The following C2orf78 variants were observed in gnomAD, a reference collection of about 807,000 sequenced individuals.
C2orf78 encodes chromosome 2 open reading frame 78.
Under a neutral mutation model 21.4 loss-of-function variants are expected in C2orf78, and 12 were observed. The ratio of observed to expected loss-of-function variants is 0.56; its 90% CI spans 0.36 to 0.91. C2orf78 has a LOEUF of 0.91. C2orf78 is among the 40% of genes least tolerant of loss of function. The pLI, the probability that C2orf78 is intolerant of heterozygous loss-of-function variation, is 0.01. For synonymous variants in C2orf78, 396 were observed against 413.9 expected (o/e 0.96, Z 0.52); for missense variants, 1,042 against 1,092.4 (o/e 0.95, Z 0.65).
intron 1 of C2orf78, among the ~76,000 whole-genome samples, chr2:73,812,170 G>A (rs1188212435): frequency 1.3e-5 from 2 of 152,034 alleles, no homozygotes; most frequent in African/African-American, 4.8e-5. Context: ...ATTATGGGCT[G>A]TTTCTTGGTT....
At chr2:73,809,330 C>A (rs1169777225) in intron 1 of C2orf78, among the ~76,000 whole-genome samples, 1 of 151,786 alleles carries the variant, frequency 6.6e-6, no homozygotes, top group African/African-American at 2.4e-5. Context: ...TTTCAACTTT[C>A]GTATTTTAAA....
exon 3 of C2orf78, chr2:73,815,108 A>G: frequency 7.4e-6 from 12 of 1,613,772 alleles, no homozygotes; most frequent in Non-Finnish European, 1.0e-5. Flanking sequence ...CTTCCCTGGG[A>G]TTGCAATCTC....
Position 73,810,699 on chromosome 2 carries a change from A to G in C2orf78, c.98-2778A>G, listed in dbSNP as rs555523074. Among the ~76,000 whole-genome samples the G allele has an allele frequency of 3.1e-3, 411 of 133,054 alleles. 7 individuals carry two copies. Among genetic ancestry groups the G allele is most frequent in the African/African-American group, 0.011 (398 of 35,124 alleles). The allele number at this position is 133,054 out of a possible 152,430, so 87.3% of individuals were successfully genotyped here. On this transcript the variant is annotated intron_variant, in intron 1 of 2. Transcript: ENST00000409561. ...AATAAAATATACATATATATTTTAT[A>G]TATATATAATATACATATAAAATAT...
In C2orf78 at chr2:73,816,473, C is replaced by A. The variant is rs748480878; in HGVS notation, c.2250C>A (p.Tyr750Ter). ...CCTCACGTAGGCCTGCTGTGGCTTA[C>A]CCTGCTCGACCTGATTCTACTAACT... is the stretch of plus-strand genomic sequence containing the variant. Residue 750 changes from tyrosine (Y) to a stop codon, truncating the protein, a stop_gained, in exon 3 of 3, where the codon TAC becomes TAA. Transcript: ENST00000409561. LOFTEE classifies it low-confidence loss of function (END_TRUNC). The A allele has an allele frequency of 6.2e-7, 1 of 1,613,966 alleles. No individual in the cohort carries two copies. Among genetic ancestry groups the A allele is most frequent in the Non-Finnish European group, 8.5e-7 (1 of 1,179,888 alleles).
chr2:73,807,049 C>T (rs1390737542), intron 1 of C2orf78, among the ~76,000 whole-genome samples: 4 of 144,188 alleles, frequency 2.8e-5, no homozygotes, highest in African/African-American at 8.3e-5. Context: ...GGCATGGTGG[C>T]GAGTACCTGT....
At chr2:73,813,407 G>A (rs1673126953) in intron 1 of C2orf78, 70 bp from the exon 2 acceptor site, 8 of 1,409,178 alleles carry the variant, frequency 5.7e-6, no homozygotes, top group Non-Finnish European at 7.5e-6. Flanking sequence ...TTAAGATAAT[G>A]CTAGTCTTCC....
chr2:73,816,630 A>G, exon 3 of C2orf78: 4 of 1,613,486 alleles, frequency 2.5e-6, no homozygotes, highest in Non-Finnish European at 3.4e-6. Flanking sequence ...TACCCAGCCT[A>G]CTGTCCCTCA....
intron 1 of C2orf78, among the ~76,000 whole-genome samples, chr2:73,808,006 A>G (rs1402893388): frequency 6.6e-6 from 1 of 151,184 alleles, no homozygotes; most frequent in Non-Finnish European, 1.5e-5. Flanking sequence ...CTGTAATCCC[A>G]GCACTTTGGG....
chr2:73,809,034 T>C lies in C2orf78; in HGVS notation c.98-4443T>C. On this transcript the variant is annotated intron_variant, in intron 1 of 2. Transcript: ENST00000409561. ...TTGAAGTAGAAATCCAGAGACCTCATTTCAGTTTTGGCTTTGACATTAACT... is the reference window on the plus strand; with the variant it reads ...TTGAAGTAGAAATCCAGAGACCTCACTTCAGTTTTGGCTTTGACATTAACT... 1.0e-5 allele frequency: 7 copies of C among 683,316 alleles called. No homozygotes were observed. The South Asian group carries it at 1.3e-4, about 13-fold the overall frequency. The allele number at this position is 683,316 out of a possible 1,614,324, so 42.3% of individuals were successfully genotyped here. A position where few individuals can be genotyped will look rare whatever the true frequency, so the allele number is the denominator to read the frequency against.
At chr2:73,813,367 G>C in intron 1 of C2orf78, 110 bp from the exon 2 acceptor site, 1 of 1,112,142 alleles carries the variant, frequency 9.0e-7, no homozygotes, top group African/African-American at 1.6e-5. Context: ...AGTGAGTATT[G>C]GTATTAGAGG....
At chr2:73,810,866 AC>A (rs1673074477) in intron 1 of C2orf78, among the ~76,000 whole-genome samples, 1 of 138,288 alleles carries the variant, frequency 7.2e-6, no homozygotes, top group South Asian at 2.1e-4. Flanking sequence ...TATATAATAT[AC>A]ATATAAATTT....
rs1031110023 is a variant in C2orf78, at chr2:73,816,090, C to T, written c.1867C>T (p.Arg623Ter). ...TAGCCAAAAGACCCTTAAAAAGCCCCGAAGCTCCCTAGGCATGCACATGCT... is the reference window on the plus strand; with the variant it reads ...TAGCCAAAAGACCCTTAAAAAGCCCTGAAGCTCCCTAGGCATGCACATGCT... The change falls in exon 3 of 3, where the codon CGA becomes TGA. Residue 623 changes from arginine (R) to a stop codon, truncating the protein, a stop_gained. Coordinates refer to ENST00000409561, the Ensembl canonical transcript of C2orf78. LOFTEE classifies it low-confidence loss of function (END_TRUNC). 11 of 1,613,632 alleles carry T rather than the reference C, an allele frequency of 6.8e-6. No homozygotes were observed. Among genetic ancestry groups the T allele is most frequent in the Admixed American group, 3.3e-5 (2 of 59,964 alleles).
chr2:73,815,927 T>C (rs1673184929), exon 3 of C2orf78: 3 of 1,613,446 alleles, frequency 1.9e-6, no homozygotes. Context: ...CTAAGAGCCA[T>C]GGGCAGGAAA....
chr2:73,815,764 C>T (rs1340364829), exon 3 of C2orf78: 2 of 1,613,596 alleles, frequency 1.2e-6, no homozygotes, highest in Middle Eastern at 1.6e-4. Flanking sequence ...CAGGGTGCTC[C>T]CAAGGCCAAA....
intron 1 of C2orf78, among the ~76,000 whole-genome samples, chr2:73,809,902 G>T (rs959073169): frequency 1.3e-5 from 2 of 152,118 alleles, no homozygotes; most frequent in Non-Finnish European, 2.9e-5. Flanking sequence ...CTAGAGTAAG[G>T]AATTTGGTAT....
At chr2:73,813,234 G>A (rs373841943) in intron 1 of C2orf78, among the ~76,000 whole-genome samples, 19 of 152,300 alleles carry the variant, frequency 1.2e-4, no homozygotes, top group Middle Eastern at 3.4e-3. Flanking sequence ...AATAATGTAC[G>A]AAACCAGACC....
rs1182346128 is a variant in C2orf78, at chr2:73,815,314, AG to A, written c.1092del (p.Ile365LeufsTer9). On this transcript the variant is annotated frameshift_variant, in exon 3 of 3. Coordinates refer to ENST00000409561, the Ensembl canonical transcript of C2orf78. LOFTEE classifies it low-confidence loss of function (END_TRUNC). ...AAAAATGAGAATGAGAATTTGGATG[AG>A]ATTAAAACCAACCTTTCAAAGCCTC... The A allele has an allele frequency of 6.2e-7, 1 of 1,614,004 alleles. No homozygotes were observed. Among genetic ancestry groups the A allele is most frequent in the Admixed American group, 1.7e-5 (1 of 60,020 alleles).
chr2:73,808,940 T>A lies in C2orf78; in HGVS notation c.98-4537T>A, dbSNP rs574413746. ...CTTTTTAAAAAGGTTTTCATGAGAT[T>A]TCTTTGCCACTAAATTTAGATTTCT... On this transcript the variant is annotated intron_variant, in intron 1 of 2. Coordinates refer to ENST00000409561, the Ensembl canonical transcript of C2orf78. 30 of 642,958 alleles carry A rather than the reference T, an allele frequency of 4.7e-5. 1 individual carries two copies. The South Asian group carries it at 5.3e-4, about 11-fold the overall frequency. 39.8% of individuals were successfully genotyped at this position (642,958 alleles called of 1,614,324 possible).
intron 1 of C2orf78, among the ~76,000 whole-genome samples, chr2:73,809,700 C>T (rs1487023702): frequency 3.9e-5 from 6 of 152,148 alleles, no homozygotes; most frequent in Non-Finnish European, 7.3e-5. Context: ...TCAGACGCTG[C>T]TTGAGCCCAG....
Sources: allele counts gnomAD v4.1 joint callset (sites outside exome capture counted in the v4.1 genomes callset), GRCh38; gene constraint gnomAD v4.1.1; transcripts MANE v1.5; gene names NCBI Gene and HGNC (gene_info 2026-07-23, HGNC 2026-07-21).